Variants in ADAM12 observed in about 807,000 individuals in gnomAD.
The protein encoded by ADAM12 is disintegrin and metalloproteinase domain-containing protein 12.
ADAM12 carries 70 observed loss-of-function variants against 106.4 expected under a neutral mutation model. The observed-to-expected ratio is 0.66, with a 90% confidence interval of 0.54 to 0.80. The LOEUF (loss-of-function observed/expected upper bound fraction) is 0.80. Among genes scored for constraint, ADAM12 ranks in the 30% least tolerant of loss-of-function variants. The pLI, the probability that ADAM12 is intolerant of heterozygous loss-of-function variation, is 0.00. For synonymous variants in ADAM12, 420 were observed against 433.5 expected (o/e 0.97, Z 0.39); for missense variants, 1,010 against 1,171.9 (o/e 0.86, Z 2.02).
At chr10:126,206,270 G>T (rs1957792820) in intron 3 of ADAM12, among the ~76,000 whole-genome samples, 1 of 152,146 alleles carries the variant, frequency 6.6e-6, no homozygotes, top group African/African-American at 2.4e-5. Flanking sequence ...CTTTCTAAAA[G>T]TACTTGCCCT....
intron 6 of ADAM12, among the ~76,000 whole-genome samples, chr10:126,114,472 G>A (rs1163820523): frequency 1.3e-5 from 2 of 152,072 alleles, no homozygotes; most frequent in South Asian, 2.1e-4. Flanking sequence ...CCCACCAAGC[G>A]GTTCTTTTGT....
intron 3 of ADAM12, among the ~76,000 whole-genome samples, chr10:126,202,437 G>C (rs1957719531): frequency 6.6e-6 from 1 of 151,888 alleles, no homozygotes; most frequent in African/African-American, 2.4e-5. Flanking sequence ...TCTTGCTTTT[G>C]TATCTTGAGG....
chr10:126,366,673 G>C lies in ADAM12; in HGVS notation c.88+21385C>G, dbSNP rs543137060. ...CAAAGCTAATACACACTGTTTAAAA[G>C]AATGCACTTTGAGCATAAATATAGA... On this transcript the variant is annotated intron_variant, in intron 1 of 22. Coordinates refer to ENST00000448723, the MANE Select transcript of ADAM12 (RefSeq NM_001288973.2). 1.5e-4 allele frequency among the ~76,000 whole-genome samples: 23 copies of C among 151,998 alleles called. 1 individual carries two copies. The highest frequency in any genetic ancestry group is 2.8e-4 in the Non-Finnish European group (19 of 67,916).
At chr10:126,323,246 TGCTACCATCTA>T (rs1160617789) in intron 2 of ADAM12, among the ~76,000 whole-genome samples, 1 of 152,160 alleles carries the variant, frequency 6.6e-6, no homozygotes, top group East Asian at 1.9e-4. Context: ...AAGCTGGAGG[TGCTACCATCTA>T]GCCTGAGCAA....
At chr10:126,030,538 T>C (rs1290881068) in intron 21 of ADAM12, among the ~76,000 whole-genome samples, 1 of 152,230 alleles carries the variant, frequency 6.6e-6, no homozygotes, top group Non-Finnish European at 1.5e-5. Flanking sequence ...GGCTAAAATA[T>C]CAGGCATCTG....
chr10:126,273,905 G>A (rs1044068412), intron 3 of ADAM12, among the ~76,000 whole-genome samples: 6 of 152,176 alleles, frequency 3.9e-5, no homozygotes, highest in Non-Finnish European at 5.9e-5. Context: ...TGGGCAGATC[G>A]CTGGAGGCCA....
At chr10:126,126,237 A>G (rs778309089) in intron 5 of ADAM12, among the ~76,000 whole-genome samples, 1 of 152,054 alleles carries the variant, frequency 6.6e-6, no homozygotes, top group Non-Finnish European at 1.5e-5. Context: ...GGTCACGCAC[A>G]GCACTAATGC....
At chr10:126,117,290 T>C (rs2133619237) in intron 6 of ADAM12, among the ~76,000 whole-genome samples, 1 of 152,298 alleles carries the variant, frequency 6.6e-6, no homozygotes, top group East Asian at 1.9e-4. Flanking sequence ...GGTGTGACAC[T>C]ACACGTGTCA....
intron 3 of ADAM12, among the ~76,000 whole-genome samples, chr10:126,245,957 T>C (rs1958620698): frequency 1.3e-5 from 2 of 151,982 alleles, no homozygotes; most frequent in Admixed American, 1.3e-4. Flanking sequence ...TGACTGGGAA[T>C]GGATGGATGA....
intron 1 of ADAM12, among the ~76,000 whole-genome samples, chr10:126,336,877 A>G (rs1323178063): frequency 6.6e-6 from 1 of 152,178 alleles, no homozygotes; most frequent in Non-Finnish European, 1.5e-5. Flanking sequence ...CGCATCCTGC[A>G]TCCACCACAC....
chr10:126,302,219 G>C (rs1309959041), intron 2 of ADAM12, among the ~76,000 whole-genome samples: 1 of 152,130 alleles, frequency 6.6e-6, no homozygotes, highest in African/African-American at 2.4e-5. Context: ...GCTTCACCAA[G>C]TCTGTTTCTG....
Position 126,057,377 on chromosome 10 carries a change from TAAAAAAC to T in ADAM12, c.1609+7422_1609+7428del, listed in dbSNP as rs1431871972. 1.5e-4 allele frequency among the ~76,000 whole-genome samples: 7 copies of T among 45,772 alleles called. 2 individuals are homozygous for T. The highest frequency in any genetic ancestry group is 3.5e-4 in the African/African-American group (7 of 20,080). 30.0% of individuals were successfully genotyped at this position (45,772 alleles called of 152,430 possible). On this transcript the variant is annotated intron_variant, in intron 14 of 22. Transcript: ENST00000448723. Reference sequence around the variant, plus strand: ...ACTTAGAGTATAATAAAAAAAAAATTAAAAAACAAAAAAACAAAAAAACAAAAAAAAA... The same window carrying T: ...ACTTAGAGTATAATAAAAAAAAAATTAAAAAAACAAAAAAACAAAAAAAAA...
chr10:126,039,978 C>A (rs561456440), intron 18 of ADAM12, among the ~76,000 whole-genome samples: 10 of 152,196 alleles, frequency 6.6e-5, no homozygotes, highest in Non-Finnish European at 1.0e-4. Context: ...ATGAAACACC[C>A]ATGGGTTTTG....
chr10:126,039,554 A>G, intron 18 of ADAM12, 125 bp from the exon 19 acceptor site: 1 of 1,128,808 alleles, frequency 8.9e-7, no homozygotes, highest in Non-Finnish European at 1.3e-6. Flanking sequence ...TACACCCGTG[A>G]GTGATGTACT....
intron 3 of ADAM12, among the ~76,000 whole-genome samples, chr10:126,274,956 T>C (rs939959072): frequency 6.6e-6 from 1 of 152,198 alleles, no homozygotes; most frequent in Non-Finnish European, 1.5e-5. Context: ...CTAGAGTGAA[T>C]ACTAATTAAA....
chr10:126,257,486 T>C (rs1958916098), intron 3 of ADAM12, among the ~76,000 whole-genome samples: 1 of 152,216 alleles, frequency 6.6e-6, no homozygotes. Flanking sequence ...AATCTATTCT[T>C]TTCACCAACT....
At chr10:126,039,231 G>A in intron 19 of ADAM12, 63 bp downstream of exon 19, 4 of 1,588,256 alleles carry the variant, frequency 2.5e-6, no homozygotes, top group Non-Finnish European at 3.4e-6. Context: ...ACAGGCTTGA[G>A]CCACCGCACC....
intron 8 of ADAM12, among the ~76,000 whole-genome samples, chr10:126,105,775 C>T (rs1319517936): frequency 2.1e-5 from 3 of 145,148 alleles, no homozygotes; most frequent in South Asian, 2.1e-4. Flanking sequence ...CACCCTTCAT[C>T]CCCCCTGCCA....
At chr10:126,281,928 C>T (rs530648619) in intron 2 of ADAM12, among the ~76,000 whole-genome samples, 5 of 152,212 alleles carry the variant, frequency 3.3e-5, no homozygotes, top group South Asian at 2.1e-4. Context: ...TGAAAAACAA[C>T]GATTAAAATA....
Sources: gnomAD v4.1 joint callset for allele counts (sites outside exome capture counted in the v4.1 genomes callset) on GRCh38, gnomAD v4.1.1 for gene constraint, MANE v1.5 for transcripts, NCBI Gene and HGNC (gene_info 2026-07-23, HGNC 2026-07-21) for gene names.